Variants in MDGA2 observed in about 807,000 individuals in gnomAD.
MDGA2 encodes MAM domain containing glycosylphosphatidylinositol anchor 2, also known as MAM domain-containing glycosylphosphatidylinositol anchor protein 2.
In MDGA2, 40 loss-of-function variants were observed where a neutral mutation model predicts 117.8. The observed-to-expected ratio is 0.34, with a 90% CI of 0.26 to 0.44. The LOEUF (loss-of-function observed/expected upper bound fraction) is 0.44, where lower values mean the gene tolerates loss of function less well. Ranked by LOEUF, MDGA2 falls within the 20% of genes least tolerant of loss-of-function variation. The pLI is 1.00. For missense variants in MDGA2, 1,123 were observed against 1,250.6 expected (o/e 0.90, Z 1.54); for synonymous variants, 452 against 439.0 (o/e 1.03, Z -0.37).
intron 1 of MDGA2, among the ~76,000 whole-genome samples, chr14:47,590,257 C>T (rs1010888638): frequency 6.6e-6 from 1 of 151,748 alleles, no homozygotes; most frequent in African/African-American, 2.4e-5. Context: ...GAGCAGATAC[C>T]ACTTTTTATT....
rs777418939 is a variant in MDGA2, at chr14:47,061,400, T to C, written c.1374A>G (p.Thr458=). The C allele has an allele frequency of 6.2e-6, 10 of 1,613,546 alleles. No homozygotes were observed. The highest frequency in any genetic ancestry group is 1.3e-5 in the African/African-American group (1 of 74,898). Residue 458 remains threonine (T), a synonymous_variant, in exon 7 of 17, where the codon ACA becomes ACG. Coordinates refer to ENST00000399232, the MANE Select transcript of MDGA2 (RefSeq NM_001113498.3). ...PLRSSERMVI[T]QTDPDVSPGT... is the part of the protein sequence containing the mutation. ...CCGGAGAGACATCAGGATCAGTCTG[T>C]GTAATGACCATCCGCTCAGAACTTC... is the stretch of plus-strand genomic sequence containing the variant.
At chr14:47,665,188 A>C (rs1594970953) in intron 1 of MDGA2, among the ~76,000 whole-genome samples, 1 of 152,212 alleles carries the variant, frequency 6.6e-6, no homozygotes, top group Admixed American at 6.5e-5. Flanking sequence ...CCCACTTTCA[A>C]GTCTTAACTG....
intron 15 of MDGA2, among the ~76,000 whole-genome samples, chr14:46,848,726 G>A (rs1184537591): frequency 1.3e-5 from 2 of 151,544 alleles, no homozygotes; most frequent in African/African-American, 4.8e-5. Flanking sequence ...AGACTGTGTC[G>A]GGAAACCATC....
chr14:47,024,589 T>C (rs1566579792), intron 8 of MDGA2, among the ~76,000 whole-genome samples: 1 of 152,202 alleles, frequency 6.6e-6, no homozygotes, highest in Non-Finnish European at 1.5e-5. Context: ...TCAAGTTAAA[T>C]AATAATCTTT....
At chr14:46,976,996 A>G (rs1411026411) in intron 8 of MDGA2, among the ~76,000 whole-genome samples, 1 of 151,954 alleles carries the variant, frequency 6.6e-6, no homozygotes, top group Non-Finnish European at 1.5e-5. Context: ...TTAAGACAGA[A>G]GTCAAAAAAG....
At chr14:47,290,353 A>G (rs72682129) in intron 2 of MDGA2, among the ~76,000 whole-genome samples, 13,853 of 152,104 alleles carry the variant, frequency 0.091, 783 homozygotes, top group Non-Finnish European at 0.11. Flanking sequence ...AGTATGAGAA[A>G]GCAAGCCCTC....
chr14:46,982,914 G>T (rs1886735481), intron 8 of MDGA2, among the ~76,000 whole-genome samples: 2 of 151,918 alleles, frequency 1.3e-5, no homozygotes, highest in Non-Finnish European at 2.9e-5. Context: ...TCTAGTTTTT[G>T]CCCATTCAGT....
intron 1 of MDGA2, among the ~76,000 whole-genome samples, chr14:47,382,273 C>G (rs930515327): frequency 6.6e-6 from 1 of 152,180 alleles, no homozygotes; most frequent in Admixed American, 6.5e-5. Flanking sequence ...CTAGGCAACA[C>G]CATTCAGGAC....
intron 7 of MDGA2, among the ~76,000 whole-genome samples, chr14:47,045,103 T>C (rs772218014): frequency 2.0e-5 from 3 of 152,166 alleles, no homozygotes; most frequent in Non-Finnish European, 4.4e-5. Context: ...AAGTGTAAGA[T>C]GAAAGAACAA....
At chr14:47,129,223 C>T (rs2139139449) in intron 5 of MDGA2, among the ~76,000 whole-genome samples, 1 of 151,858 alleles carries the variant, frequency 6.6e-6, no homozygotes, top group South Asian at 2.1e-4. Flanking sequence ...TTAGGTATAT[C>T]TCCCAATGCT....
intron 8 of MDGA2, among the ~76,000 whole-genome samples, chr14:46,968,677 C>CAA (rs34010287): frequency 0.018 from 2,661 of 147,624 alleles, 73 homozygotes; most frequent in African/African-American, 0.057. Flanking sequence ...ACTAAAAATA[C>CAA]AAAAAAAAAA....
chr14:47,200,147 G>A (rs1885437798), intron 3 of MDGA2, among the ~76,000 whole-genome samples: 1 of 151,872 alleles, frequency 6.6e-6, no homozygotes, highest in Non-Finnish European at 1.5e-5. Context: ...GTTTACATAT[G>A]TATATTCTAT....
intron 3 of MDGA2, among the ~76,000 whole-genome samples, chr14:47,209,485 G>A (rs1333913737): frequency 1.3e-5 from 2 of 152,136 alleles, no homozygotes; most frequent in Non-Finnish European, 2.9e-5. Flanking sequence ...TGAGATTCTG[G>A]AAGACTCCAG....
At chr14:47,282,451 A>G (rs144726639) in intron 2 of MDGA2, among the ~76,000 whole-genome samples, 13,790 of 151,868 alleles carry the variant, frequency 0.091, 766 homozygotes, top group Non-Finnish European at 0.11. Flanking sequence ...AGGCTGAGGC[A>G]GACAGTTCAC....
chr14:47,147,916 T>C (rs930102639), intron 3 of MDGA2, among the ~76,000 whole-genome samples: 1 of 152,206 alleles, frequency 6.6e-6, no homozygotes, highest in African/African-American at 2.4e-5. Flanking sequence ...ACTAGAATTT[T>C]GTCAGATTTG....
At chr14:46,942,522 A>C (rs748198112) in intron 9 of MDGA2, among the ~76,000 whole-genome samples, 5 of 152,104 alleles carry the variant, frequency 3.3e-5, no homozygotes, top group Admixed American at 6.6e-5. Context: ...ATAGATTCCC[A>C]TCTCTGCAGA....
chr14:47,663,504 C>T (rs1218565602), intron 1 of MDGA2, among the ~76,000 whole-genome samples: 1 of 152,132 alleles, frequency 6.6e-6, no homozygotes, highest in Admixed American at 6.5e-5. Flanking sequence ...CTACCTTCCG[C>T]CCTCCAAAAA....
intron 1 of MDGA2, among the ~76,000 whole-genome samples, chr14:47,589,516 T>C (rs1896396159): frequency 1.3e-5 from 2 of 152,022 alleles, no homozygotes; most frequent in African/African-American, 2.4e-5. Context: ...TGCCAGACTC[T>C]AATCCATTGA....
In MDGA2 at chr14:47,228,416, A is replaced by C. The variant is rs181858877; in HGVS notation, c.421-10221T>G. Among the ~76,000 whole-genome samples, 381 of 152,264 alleles carry C rather than the reference A, an allele frequency of 2.5e-3. 2 individuals carry two copies. The highest frequency in any genetic ancestry group is 8.5e-3 in the African/African-American group (355 of 41,558). On this transcript the variant is annotated intron_variant, in intron 2 of 16. Transcript: ENST00000399232. Reference sequence around the variant, plus strand: ...TTATGATGGTGTGAAAACAATACACATTCAGTAGAAACTATACTTCAAATT... The same window carrying C: ...TTATGATGGTGTGAAAACAATACACCTTCAGTAGAAACTATACTTCAAATT...
Sources: allele counts gnomAD v4.1 joint callset (sites outside exome capture counted in the v4.1 genomes callset), GRCh38; gene constraint gnomAD v4.1.1; transcripts MANE v1.5; gene names NCBI Gene and HGNC (gene_info 2026-07-23, HGNC 2026-07-21).